ALG5: variants seen among roughly 807,000 people sequenced by gnomAD.
ALG5 encodes ALG5 dolichyl-phosphate beta-glucosyltransferase, also known as dolichyl-phosphate beta-glucosyltransferase.
A neutral mutation model predicts 51.8 loss-of-function variants in ALG5; 26 were observed. That is an observed-to-expected ratio of 0.50 (90% confidence interval 0.37 to 0.70). The LOEUF is 0.70. ALG5 is among the 30% of genes least tolerant of loss of function. ALG5 has a pLI of 0.00. For missense variants in ALG5, 311 were observed against 399.3 expected, an observed-to-expected ratio of 0.78 and a Z score of 1.88; for synonymous variants, 141 against 136.1, an observed-to-expected ratio of 1.04 and a Z score of -0.25.
At chr13:36,982,078 G>C (rs1013762165) in intron 6 of ALG5, among the ~76,000 whole-genome samples, 1 of 152,134 alleles carries the variant, frequency 6.6e-6, no homozygotes, top group Non-Finnish European at 1.5e-5. Context: ...ATGACAAAGC[G>C]AGACTCTGTC....
chr13:36,977,031 T>C (rs1053875169), intron 6 of ALG5, among the ~76,000 whole-genome samples: 3 of 152,154 alleles, frequency 2.0e-5, no homozygotes, highest in Admixed American at 2.0e-4. Context: ...TAAAAACAAA[T>C]CAAAATCCAA....
intron 4 of ALG5, among the ~76,000 whole-genome samples, chr13:36,990,013 G>A (rs1014537198): frequency 6.6e-6 from 1 of 152,158 alleles, no homozygotes; most frequent in Non-Finnish European, 1.5e-5. Flanking sequence ...CAGAGAGGCT[G>A]TTTGTATCCT....
At chr13:36,978,460 T>G (rs1239399581) in intron 6 of ALG5, among the ~76,000 whole-genome samples, 1 of 152,098 alleles carries the variant, frequency 6.6e-6, no homozygotes, top group African/African-American at 2.4e-5. Flanking sequence ...ATGCTGGGAT[T>G]ACAGGCGTGA....
chr13:36,954,157 G>T (rs2138778070), intron 8 of ALG5, among the ~76,000 whole-genome samples: 1 of 152,104 alleles, frequency 6.6e-6, no homozygotes, highest in Non-Finnish European at 1.5e-5. Context: ...CGCAATCAGG[G>T]CTCACTGCAG....
At chr13:36,954,288 T>C (rs2058830637) in intron 8 of ALG5, among the ~76,000 whole-genome samples, 1 of 152,190 alleles carries the variant, frequency 6.6e-6, no homozygotes, top group Non-Finnish European at 1.5e-5. Context: ...AGTTTTGTTC[T>C]TTTGAGATTT....
At chr13:36,996,879 T>C (rs2059053148) in intron 1 of ALG5, among the ~76,000 whole-genome samples, 1 of 152,190 alleles carries the variant, frequency 6.6e-6, no homozygotes, top group Non-Finnish European at 1.5e-5. Flanking sequence ...ATTAGGCTGA[T>C]GACAAACTTT....
At chr13:36,981,651 G>A (rs1050058018) in intron 6 of ALG5, among the ~76,000 whole-genome samples, 2 of 152,170 alleles carry the variant, frequency 1.3e-5, no homozygotes, top group Non-Finnish European at 2.9e-5. Context: ...TAGAGATGGA[G>A]AGACAAAGTT....
intron 1 of ALG5, among the ~76,000 whole-genome samples, chr13:36,997,006 C>A (rs1041449371): frequency 1.3e-5 from 2 of 152,142 alleles, no homozygotes; most frequent in African/African-American, 4.8e-5. Flanking sequence ...AAGCATCACT[C>A]ACAATTTTTT....
chr13:36,952,087 TA>T (rs1370104456), intron 9 of ALG5, among the ~76,000 whole-genome samples: 5 of 152,092 alleles, frequency 3.3e-5, no homozygotes, highest in African/African-American at 4.8e-5. Context: ...TGCTCGGCCA[TA>T]AAAAAAATTT....
intron 8 of ALG5, among the ~76,000 whole-genome samples, chr13:36,961,762 C>T (rs2058868241): frequency 6.6e-6 from 1 of 152,048 alleles, no homozygotes; most frequent in Non-Finnish European, 1.5e-5. Flanking sequence ...CTCAACTCTG[C>T]AGTTCTGAAT....
At chr13:36,990,633 C>T (rs541493396) in intron 4 of ALG5, among the ~76,000 whole-genome samples, 1 of 152,178 alleles carries the variant, frequency 6.6e-6, no homozygotes, top group Admixed American at 6.5e-5. Context: ...CTCTTCTCTC[C>T]TGTGTCACCT....
chr13:36,978,076 C>T (rs370983450), intron 6 of ALG5, among the ~76,000 whole-genome samples: 5 of 150,722 alleles, frequency 3.3e-5, no homozygotes, highest in South Asian at 4.2e-4. Context: ...TTAGTAGAGA[C>T]GGGGTTTCAC....
chr13:36,975,243 A>G (rs925779727), intron 6 of ALG5, among the ~76,000 whole-genome samples: 5 of 152,278 alleles, frequency 3.3e-5, no homozygotes, highest in Admixed American at 1.3e-4. Flanking sequence ...AAAAAAATCC[A>G]TACAAATCAG....
chr13:36,960,910 G>A (rs1168474681), intron 8 of ALG5, among the ~76,000 whole-genome samples: 1 of 151,790 alleles, frequency 6.6e-6, no homozygotes, highest in Admixed American at 6.6e-5. Context: ...CTCCCAAAGA[G>A]CTAGGATTAT....
intron 7 of ALG5, among the ~76,000 whole-genome samples, chr13:36,967,100 G>A (rs574040905): frequency 5.3e-5 from 8 of 152,024 alleles, no homozygotes; most frequent in Non-Finnish European, 1.0e-4. Context: ...GCACACGCCT[G>A]TAGTCCCAGC....
intron 8 of ALG5, among the ~76,000 whole-genome samples, chr13:36,956,745 C>T (rs891050234): frequency 9.9e-5 from 15 of 152,190 alleles, no homozygotes; most frequent in African/African-American, 2.9e-4. Context: ...GTGTTTGTTA[C>T]GGCTCGAGCT....
intron 7 of ALG5, 122 bp from the exon 8 acceptor site, chr13:36,965,848 C>T (rs1260563042): frequency 7.7e-6 from 6 of 776,232 alleles, no homozygotes. Flanking sequence ...TACATAAGAA[C>T]ACCACTGTTC....
At chr13:36,962,714 A>C (rs2058873444) in intron 8 of ALG5, among the ~76,000 whole-genome samples, 1 of 152,108 alleles carries the variant, frequency 6.6e-6, no homozygotes, top group African/African-American at 2.4e-5. Flanking sequence ...AAAGAAAAAA[A>C]CCCCATTAAT....
At chr13:36,968,841 CT>C (rs1339776674) in intron 7 of ALG5, among the ~76,000 whole-genome samples, 38 of 152,280 alleles carry the variant, frequency 2.5e-4, no homozygotes, top group African/African-American at 9.1e-4. Flanking sequence ...TGTCTTGTGC[CT>C]TCTTGGAGAC....
Sources: gnomAD v4.1 joint callset for allele counts (sites outside exome capture counted in the v4.1 genomes callset) on GRCh38, gnomAD v4.1.1 for gene constraint, MANE v1.5 for transcripts, NCBI Gene and HGNC (gene_info 2026-07-23, HGNC 2026-07-21) for gene names.